The following PGAP1 variants were observed in gnomAD, a reference collection of about 807,000 sequenced individuals.
PGAP1 encodes GPI inositol-deacylase.
A neutral mutation model predicts 127.0 loss-of-function variants in PGAP1; 76 were observed. That is an observed-to-expected ratio of 0.60 (90% CI 0.50 to 0.72). The LOEUF is 0.72. PGAP1 is among the 30% of genes least tolerant of loss of function. PGAP1 has a pLI of 0.00. For missense variants in PGAP1, 982 were observed against 1,071.3 expected, an observed-to-expected ratio of 0.92 and a Z score of 1.16; for synonymous variants, 362 against 366.5, an observed-to-expected ratio of 0.99 and a Z score of 0.14.
At chr2:196,853,317 A>G (rs1487748902) in intron 20 of PGAP1, among the ~76,000 whole-genome samples, 3 of 152,368 alleles carry the variant, frequency 2.0e-5, no homozygotes, top group South Asian at 2.1e-4. Flanking sequence ...CATCTAGAAA[A>G]ACAATGTTTT....
At chr2:196,889,789 G>T (rs1023736982) in intron 10 of PGAP1, among the ~76,000 whole-genome samples, 1 of 150,222 alleles carries the variant, frequency 6.7e-6, no homozygotes, top group African/African-American at 2.5e-5. Flanking sequence ...AACCCGGGAG[G>T]TGGAGCTTGC....
In PGAP1 at chr2:196,913,880, ATGTTTTATGCTGAACACC is replaced by A. The variant is rs1702916804; in HGVS notation, c.478-845_478-828del. 2.0e-5 allele frequency among the ~76,000 whole-genome samples: 3 copies of A among 152,348 alleles called. No individual in the cohort carries two copies. In the South Asian group the frequency reaches 6.2e-4, roughly 32 times the overall value. On this transcript the variant is annotated intron_variant, in intron 3 of 26. Transcript: ENST00000354764. ...TGCCTAAACTGTTTGTGCAAACAAC[ATGTTTTATGCTGAACACC>A]TGCTGTCCTCCAGGCTGGAATTTTG...
chr2:196,902,609 A>C lies in PGAP1; in HGVS notation c.783T>G (p.His261Gln). The change falls in exon 5 of 27, where the codon CAT (histidine) becomes CAG (glutamine). Residue 261 changes from histidine to glutamine, a missense_variant. Coordinates refer to ENST00000354764, the MANE Select transcript of PGAP1 (RefSeq NM_024989.4). Reference sequence around the variant, plus strand: ...CCACAACAGATAAGGCACTGGTATGATGGCTTAATTTTGGTAGAAAAGTCA... The same window carrying C: ...CCACAACAGATAAGGCACTGGTATGCTGGCTTAATTTTGGTAGAAAAGTCA... The part of the protein sequence containing the change: ...SGLTFLPKLS[H>Q]HTSALSVVSS... 6.2e-7 allele frequency: 1 copy of C among 1,613,300 alleles called. No homozygotes were observed. Among genetic ancestry groups the C allele is most frequent in the Non-Finnish European group, 8.5e-7 (1 of 1,179,636 alleles).
intron 20 of PGAP1, among the ~76,000 whole-genome samples, chr2:196,849,136 T>C (rs1211003452): frequency 6.6e-6 from 1 of 152,188 alleles, no homozygotes; most frequent in Non-Finnish European, 1.5e-5. Flanking sequence ...GTACATTCTA[T>C]ATGTCTGAGA....
rs760940586 is a variant in PGAP1, at chr2:196,920,016, A to G, written c.282T>C (p.Asn94=). 5 of 1,610,368 alleles carry G rather than the reference A, an allele frequency of 3.1e-6. No homozygotes were observed. The highest frequency in any genetic ancestry group is 3.4e-6 in the Non-Finnish European group (4 of 1,178,824). The stretch of plus-strand genomic sequence containing the variant: ...ACTTACCTTGCTTATAACTTCCAGC[A>G]TTACCAGGAAGAAAGAGAACTGGAA... ...TGIPVLFLPG[N]AGSYKQVRSI... The change falls in exon 2 of 27, where the codon AAT becomes AAC. Residue 94 remains asparagine (N), a synonymous_variant. Coordinates refer to ENST00000354764, the MANE Select transcript of PGAP1 (RefSeq NM_024989.4).
At chr2:196,886,187 G>A (rs1215736348) in intron 10 of PGAP1, among the ~76,000 whole-genome samples, 2 of 141,250 alleles carry the variant, frequency 1.4e-5, no homozygotes, top group African/African-American at 5.3e-5. Flanking sequence ...TTGAGATGGA[G>A]TCTTGCTCTG....
chr2:196,923,876 T>C (rs1015298527), intron 1 of PGAP1, among the ~76,000 whole-genome samples: 3 of 152,210 alleles, frequency 2.0e-5, no homozygotes, highest in Non-Finnish European at 4.4e-5. Flanking sequence ...CAAATCACTG[T>C]ATGAGAGAAA....
Position 196,896,366 on chromosome 2 carries a change from A to G in PGAP1, c.927+765T>C, listed in dbSNP as rs1702270300. ...AAAAAAGCATGGTTCAAAAATGTTT[A>G]ATAAACTCAGGAGGCTGAGGTGGGA... On this transcript the variant is annotated intron_variant, in intron 7 of 26. Coordinates refer to ENST00000354764, the MANE Select transcript of PGAP1 (RefSeq NM_024989.4). Among the ~76,000 whole-genome samples, 5 of 152,180 alleles carry G rather than the reference A, an allele frequency of 3.3e-5. No homozygotes were observed. In the South Asian group the frequency reaches 1.0e-3, roughly 32 times the overall value.
chr2:196,833,898 C>T lies in PGAP1; in HGVS notation c.*7336G>A, dbSNP rs1030624738. ...CTACATTTTTTTAAAAACTGAAGCCCGTTTTCTCTTGAAGCCTTAAAAATA... is the reference window on the plus strand; with the variant it reads ...CTACATTTTTTTAAAAACTGAAGCCTGTTTTCTCTTGAAGCCTTAAAAATA... On this transcript the variant is annotated 3_prime_UTR_variant, in exon 27 of 27. Transcript: ENST00000354764. 5 of 151,330 alleles carry T rather than the reference C, an allele frequency of 3.3e-5. No homozygotes were observed. The highest frequency in any genetic ancestry group is 2.1e-4 in the South Asian group (1 of 4,768). 9.4% of individuals were successfully genotyped at this position (151,330 alleles called of 1,614,324 possible).
intron 18 of PGAP1, among the ~76,000 whole-genome samples, chr2:196,871,957 T>C (rs1701423066): frequency 6.6e-6 from 1 of 152,152 alleles, no homozygotes; most frequent in African/African-American, 2.4e-5. Context: ...CACAAAGAGA[T>C]GTACTTTGAT....
chr2:196,914,976 C>G (rs570210616), intron 3 of PGAP1, among the ~76,000 whole-genome samples: 2 of 152,142 alleles, frequency 1.3e-5, no homozygotes, highest in African/African-American at 4.8e-5. Context: ...ACCACCACAT[C>G]CAGCTAATAT....
At chr2:196,882,914 C>T (rs536360583) in intron 12 of PGAP1, among the ~76,000 whole-genome samples, 2 of 152,270 alleles carry the variant, frequency 1.3e-5, no homozygotes, top group East Asian at 3.9e-4. Context: ...TGAGAGAGGG[C>T]ATCCTTGTCT....
intron 20 of PGAP1, among the ~76,000 whole-genome samples, chr2:196,848,879 C>G (rs371075100): frequency 6.6e-6 from 1 of 152,168 alleles, no homozygotes; most frequent in African/African-American, 2.4e-5. Context: ...GAGGAATTGT[C>G]AGACTGTTTT....
intron 4 of PGAP1, among the ~76,000 whole-genome samples, chr2:196,903,973 A>G (rs886468771): frequency 6.6e-6 from 1 of 152,230 alleles, no homozygotes; most frequent in Non-Finnish European, 1.5e-5. Context: ...GTACTTACTT[A>G]GATTACCACC....
chr2:196,902,031 T>A (rs568540262), intron 5 of PGAP1, among the ~76,000 whole-genome samples: 3 of 152,326 alleles, frequency 2.0e-5, no homozygotes, highest in African/African-American at 7.2e-5. Context: ...TTTTTTTGTT[T>A]GTTTTTGAGT....
chr2:196,847,265 G>T, intron 21 of PGAP1, 65 bp from the exon 22 acceptor site: 1 of 1,238,756 alleles, frequency 8.1e-7, no homozygotes, highest in Non-Finnish European at 1.2e-6. Flanking sequence ...CTTAATATTT[G>T]AGGTGTCTGA....
At position 196,886,314 on chromosome 2, in the gene PGAP1, C is replaced by T. The variant is rs1401480331; in HGVS notation, c.1174-434G>A. Among the ~76,000 whole-genome samples the T allele has an allele frequency of 4.6e-5, 7 of 151,796 alleles. No individual in the cohort carries two copies. In the East Asian group the frequency reaches 7.7e-4, roughly 17 times the overall value. The stretch of plus-strand genomic sequence containing the variant: ...TAGCTGGGATTACAGGTACCCACCA[C>T]CATGCCCGGCTAATTTTTGTATTTT... On this transcript the variant is annotated intron_variant, in intron 10 of 26. Transcript: ENST00000354764.
intron 4 of PGAP1, 45 bp downstream of exon 4, chr2:196,912,837 C>A: frequency 2.7e-6 from 4 of 1,470,230 alleles, no homozygotes; most frequent in Non-Finnish European, 3.7e-6. Flanking sequence ...TTTATTTAAT[C>A]TTAAATAACA....
chr2:196,885,877 T>A lies in PGAP1; in HGVS notation c.1177A>T (p.Thr393Ser). The A allele has an allele frequency of 7.1e-7, 1 of 1,409,150 alleles. No individual in the cohort carries two copies. The highest frequency in any genetic ancestry group is 9.3e-7 in the Non-Finnish European group (1 of 1,076,710). 87.3% of individuals were successfully genotyped at this position (1,409,150 alleles called of 1,614,324 possible). ...HVYCQSTMLD[T>S]NSWIFACINS... ...ATGCAAGCAAAAATCCAACTATTTG[T>A]ATCCTGTTGATGAACAGCACAAAAC... The change falls in exon 11 of 27, where the codon ACA becomes TCA. Residue 393 changes from threonine (T) to serine (S), a missense_variant. Physicochemically the swap from Thr to Ser is moderately conservative, Grantham distance 58. Transcript: ENST00000354764.
Sources: gnomAD v4.1 joint callset for allele counts (sites outside exome capture counted in the v4.1 genomes callset) on GRCh38, gnomAD v4.1.1 for gene constraint, MANE v1.5 for transcripts, NCBI Gene and HGNC (gene_info 2026-07-23, HGNC 2026-07-21) for gene names.